Variants in SLC9A3 observed in about 807,000 individuals in gnomAD.
SLC9A3 encodes the protein sodium/hydrogen exchanger 3.
In SLC9A3, 37 loss-of-function variants were observed where a neutral mutation model predicts 86.8. The observed-to-expected ratio is 0.43, with a 90% CI of 0.33 to 0.56. SLC9A3 has a LOEUF of 0.56. Among genes scored for constraint, SLC9A3 ranks in the 20% least tolerant of loss-of-function variants. SLC9A3 has a pLI of 0.06. For missense variants in SLC9A3, 1,011 were observed against 1,171.9 expected, an observed-to-expected ratio of 0.86 and a Z score of 2.00; for synonymous variants, 581 against 528.3, an observed-to-expected ratio of 1.10 and a Z score of -1.37.
In SLC9A3 at chr5:470,860, A is replaced by C. The variant is rs1157066947; in HGVS notation, c.*2519T>G. On this transcript the variant is annotated 3_prime_UTR_variant, in exon 17 of 17. Coordinates refer to ENST00000264938, the MANE Select transcript of SLC9A3 (RefSeq NM_004174.4). ...TCTATCACAAAGTAGGCCAAAGTTC[A>C]GTATTAAATAGATATCCTAATAAAA... The C allele has an allele frequency of 6.6e-6, 1 of 152,382 alleles. No homozygotes were observed. The highest frequency in any genetic ancestry group is 1.5e-5 in the Non-Finnish European group (1 of 68,042). The allele number at this position is 152,382 out of a possible 1,614,324, so 9.4% of individuals were successfully genotyped here.
In SLC9A3 at chr5:497,930, C is replaced by T. The variant is rs796563163; in HGVS notation, c.212-5859G>A. ...CGGCCGCATCCCCAGCCTCTGCCCT[C>T]CGACAACTCAGGCACCTGCTGGTCA... On this transcript the variant is annotated intron_variant, in intron 1 of 16. Transcript: ENST00000264938. The surrounding 1 kb of genome is among the most constrained non-coding windows in gnomAD (Gnocchi z 5.4). 2.5e-4 allele frequency among the ~76,000 whole-genome samples: 38 copies of T among 152,232 alleles called. 2 individuals carry two copies. Among genetic ancestry groups the T allele is most frequent in the Middle Eastern group, 3.4e-3 (1 of 294 alleles).
At chr5:498,120 A>T (rs6555317) in intron 1 of SLC9A3, among the ~76,000 whole-genome samples, 1 of 142,976 alleles carries the variant, frequency 7.0e-6, no homozygotes. Context: ...TCGCTCTGAC[A>T]GTGGCTTGAG....
chr5:522,409 C>T, intron 1 of SLC9A3, among the ~76,000 whole-genome samples: 1 of 152,208 alleles, frequency 6.6e-6, no homozygotes, highest in East Asian at 1.9e-4. Context: ...CTTCAGATGC[C>T]AGATTCTGAC....
Position 489,497 on chromosome 5 carries a change from C to A in SLC9A3, c.515-1021G>T, listed in dbSNP as rs566882176. On this transcript the variant is annotated intron_variant, in intron 2 of 16. Transcript: ENST00000264938. ...GCCTGGCCAGGGGTTTCTGTGCTGGCGCCTGGGAGGGGACAGATCAGGGTC... is the reference window on the plus strand; with the variant it reads ...GCCTGGCCAGGGGTTTCTGTGCTGGAGCCTGGGAGGGGACAGATCAGGGTC... 1.4e-4 allele frequency among the ~76,000 whole-genome samples: 21 copies of A among 152,282 alleles called. No homozygotes were observed. The South Asian group carries it at 4.1e-3, about 30-fold the overall frequency.
chr5:490,411 G>A (rs1256598119), intron 2 of SLC9A3, among the ~76,000 whole-genome samples: 1 of 152,178 alleles, frequency 6.6e-6, no homozygotes, highest in African/African-American at 2.4e-5. Flanking sequence ...TGCAGGTGCA[G>A]CAAGGACGTC....
rs1217853964 is a variant in SLC9A3, at chr5:491,104, C to T, written c.514+665G>A. On this transcript the variant is annotated intron_variant, in intron 2 of 16. Transcript: ENST00000264938. The surrounding 1 kb of genome is among the most constrained non-coding windows in gnomAD (Gnocchi z 9.2). ...GGCTGAGTTCTCAGACCGGTGAGGG[C>T]GGCAGGTGCCGGAGGCCTGCGCTCA... is the stretch of plus-strand genomic sequence containing the variant. Among the ~76,000 whole-genome samples the T allele has an allele frequency of 2.0e-5, 3 of 152,198 alleles. No individual in the cohort carries two copies. Among genetic ancestry groups the T allele is most frequent in the African/African-American group, 7.2e-5 (3 of 41,440 alleles).
intron 1 of SLC9A3, among the ~76,000 whole-genome samples, chr5:493,143 C>T (rs1481008124): frequency 6.6e-6 from 1 of 150,660 alleles, no homozygotes; most frequent in African/African-American, 2.4e-5. Flanking sequence ...GATGAGAATT[C>T]CTGCGCTCGG....
In SLC9A3 at chr5:473,324, G is replaced by A. The variant is rs1401398982; in HGVS notation, c.*55C>T. 2.9e-6 allele frequency: 4 copies of A among 1,401,036 alleles called. No individual in the cohort carries two copies. Among genetic ancestry groups the A allele is most frequent in the South Asian group, 1.5e-5 (1 of 66,286 alleles). 86.8% of individuals were successfully genotyped at this position (1,401,036 alleles called of 1,614,324 possible). A position where few individuals can be genotyped will look rare whatever the true frequency, so the allele number is the denominator to read the frequency against. On this transcript the variant is annotated 3_prime_UTR_variant, in exon 17 of 17. Coordinates refer to ENST00000264938, the MANE Select transcript of SLC9A3 (RefSeq NM_004174.4). ...TCTCTGGGACAGCGGCGGCGGCGGTGGGCGGACCGTGGCGCGGGGACGAGC... is the reference window on the plus strand; with the variant it reads ...TCTCTGGGACAGCGGCGGCGGCGGTAGGCGGACCGTGGCGCGGGGACGAGC...
At chr5:475,794 G>T in intron 14 of SLC9A3, 123 bp from the exon 15 acceptor site, 1 of 705,252 alleles carries the variant, frequency 1.4e-6, no homozygotes, top group Non-Finnish European at 2.5e-6. Context: ...AGAGAGGAGG[G>T]CTAAACCGCA....
At chr5:475,347 C>G (rs1738654662) in intron 15 of SLC9A3, 1 of 623,784 alleles carries the variant, frequency 1.6e-6, no homozygotes, top group Non-Finnish European at 2.8e-6. Flanking sequence ...TCAAGACATA[C>G]CCCACCTGCT....
In SLC9A3 at chr5:473,210, G is replaced by T; in HGVS notation, c.*169C>A. 1.5e-6 allele frequency: 1 copy of T among 673,068 alleles called. No homozygotes were observed. The highest frequency in any genetic ancestry group is 2.0e-6 in the Non-Finnish European group (1 of 495,180). The allele number at this position is 673,068 out of a possible 1,614,324, so 41.7% of individuals were successfully genotyped here. A position where few individuals can be genotyped will look rare whatever the true frequency, so the allele number is the denominator to read the frequency against. On this transcript the variant is annotated 3_prime_UTR_variant, in exon 17 of 17. Transcript: ENST00000264938. The stretch of plus-strand genomic sequence containing the variant: ...CGGGCGGCTCTGCGGGCGCAGGCGC[G>T]GCACTCTCGGAGTTCTGCGCAGGCG...
intron 1 of SLC9A3, among the ~76,000 whole-genome samples, chr5:502,659 C>G (rs1244589550): frequency 6.6e-6 from 1 of 152,240 alleles, no homozygotes; most frequent in African/African-American, 2.4e-5. Context: ...TTCTCATAAC[C>G]ACTTAAAAAG....
At chr5:502,916 G>A (rs1052679500) in intron 1 of SLC9A3, among the ~76,000 whole-genome samples, 2 of 152,182 alleles carry the variant, frequency 1.3e-5, no homozygotes, top group African/African-American at 4.8e-5. Context: ...CCGCCGTAAC[G>A]ACACAGATGG....
chr5:482,811 C>T, intron 6 of SLC9A3, 61 bp from the exon 7 acceptor site: 1 of 1,370,596 alleles, frequency 7.3e-7, no homozygotes, highest in Non-Finnish European at 1.0e-6. Context: ...GGGACCCCAG[C>T]CCCTCCGGGA....
chr5:470,482 CTT>C lies in SLC9A3; in HGVS notation c.*2895_*2896del, dbSNP rs1367742119. ...TAAATTCTCATAGGTGGATATTTCT[CTT>C]TTATAAACAAAGTTTGCACCCAAAA... On this transcript the variant is annotated 3_prime_UTR_variant, in exon 17 of 17. Coordinates refer to ENST00000264938, the MANE Select transcript of SLC9A3 (RefSeq NM_004174.4). 1 of 152,370 alleles carries C rather than the reference CTT, an allele frequency of 6.6e-6. No individual in the cohort carries two copies. Among genetic ancestry groups the C allele is most frequent in the African/African-American group, 2.4e-5 (1 of 41,462 alleles). The allele number at this position is 152,370 out of a possible 1,614,324, so 9.4% of individuals were successfully genotyped here.
chr5:478,322 CAG>C (rs1738897858), intron 10 of SLC9A3: 1 of 152,308 alleles, frequency 6.6e-6, no homozygotes, highest in Non-Finnish European at 1.5e-5. Context: ...ACGTGAGGGT[CAG>C]GGGAGCCACG....
intron 12 of SLC9A3, 78 bp downstream of exon 12, chr5:476,465 G>A (rs1738742972): frequency 2.5e-6 from 4 of 1,603,134 alleles, no homozygotes; most frequent in East Asian, 2.2e-5. Context: ...CGGATCCCCC[G>A]TGGTCCCAGG....
chr5:507,162 G>C (rs1413074893), intron 1 of SLC9A3, among the ~76,000 whole-genome samples: 1 of 43,230 alleles, frequency 2.3e-5, no homozygotes, highest in African/African-American at 9.8e-5. Context: ...TCCGGCTGCT[G>C]CTTCTTTTTT....
At chr5:476,738 C>G in intron 11 of SLC9A3, 66 bp from the exon 12 acceptor site, 1 of 1,570,104 alleles carries the variant, frequency 6.4e-7, no homozygotes, top group Non-Finnish European at 8.6e-7. Flanking sequence ...GCGCCCCTCG[C>G]CTTCCCACGG....
Sources: gnomAD v4.1 joint callset for allele counts (sites outside exome capture counted in the v4.1 genomes callset) on GRCh38, gnomAD v4.1.1 for gene constraint, Gnocchi (gnomAD v3.1) non-coding constraint, MANE v1.5 for transcripts, NCBI Gene and HGNC (gene_info 2026-07-23, HGNC 2026-07-21) for gene names.